Variants in PKHD1 observed in about 807,000 individuals in gnomAD.
PKHD1 encodes fibrocystin.
A neutral mutation model predicts 412.0 loss-of-function variants in PKHD1; 291 were observed. The observed-to-expected ratio is 0.71, with a 90% confidence interval of 0.64 to 0.78. The LOEUF is 0.78. Among genes scored for constraint, PKHD1 ranks in the 30% least tolerant of loss-of-function variants. The pLI is 0.00. For synonymous variants in PKHD1, 1,777 were observed against 1,821.5 expected (o/e 0.98, Z 0.62); for missense variants, 4,825 against 4,950.7 (o/e 0.97, Z 0.76).
At chr6:51,636,063 T>C (rs1752868284) in intron 64 of PKHD1, among the ~76,000 whole-genome samples, 1 of 152,082 alleles carries the variant, frequency 6.6e-6, no homozygotes, top group South Asian at 2.1e-4. Flanking sequence ...GAAACCCTTA[T>C]CTCTTGACAG....
At chr6:51,830,365 T>C (rs1768034138) in intron 52 of PKHD1, among the ~76,000 whole-genome samples, 2 of 152,168 alleles carry the variant, frequency 1.3e-5, no homozygotes, top group Admixed American at 6.5e-5. Context: ...GATGAATAGA[T>C]ACATAGATAG....
chr6:51,774,767 A>G (rs576675631), intron 54 of PKHD1, among the ~76,000 whole-genome samples: 1 of 151,966 alleles, frequency 6.6e-6, no homozygotes, highest in Non-Finnish European at 1.5e-5. Context: ...AGTGTTCAGA[A>G]ACCTCAGAAA....
chr6:51,747,091 AG>A (rs1160145662), intron 58 of PKHD1, among the ~76,000 whole-genome samples: 1 of 152,196 alleles, frequency 6.6e-6, no homozygotes, highest in Non-Finnish European at 1.5e-5. Context: ...GCAACAGAGA[AG>A]AGTATTTCAA....
chr6:51,830,405 C>T (rs1168253087), intron 52 of PKHD1, among the ~76,000 whole-genome samples: 2 of 152,100 alleles, frequency 1.3e-5, no homozygotes, highest in Non-Finnish European at 2.9e-5. Flanking sequence ...ACCTACTTCT[C>T]GGCAATTTTC....
chr6:51,651,503 C>T (rs1053598857), intron 61 of PKHD1, among the ~76,000 whole-genome samples: 2 of 152,026 alleles, frequency 1.3e-5, no homozygotes, highest in African/African-American at 2.4e-5. Context: ...CAACTTGACA[C>T]GCAATAGGGA....
intron 59 of PKHD1, among the ~76,000 whole-genome samples, chr6:51,745,842 G>A (rs73426014): frequency 0.041 from 6,256 of 152,172 alleles, 376 homozygotes; most frequent in African/African-American, 0.13. Context: ...AAGGAAAATT[G>A]GATAGTAAAT....
intron 50 of PKHD1, among the ~76,000 whole-genome samples, chr6:51,844,249 T>C (rs1289518174): frequency 6.6e-6 from 1 of 152,208 alleles, no homozygotes; most frequent in African/African-American, 2.4e-5. Context: ...GGAGCAATTA[T>C]AATGCAATGC....
At chr6:52,051,208 C>T (rs954364666) in intron 21 of PKHD1, among the ~76,000 whole-genome samples, 1 of 152,190 alleles carries the variant, frequency 6.6e-6, no homozygotes, top group African/African-American at 2.4e-5. Context: ...AAATACTCCA[C>T]TCCTTTTAGC....
At chr6:51,761,581 G>A (rs1158492460) in intron 55 of PKHD1, among the ~76,000 whole-genome samples, 5 of 151,956 alleles carry the variant, frequency 3.3e-5, no homozygotes, top group African/African-American at 1.2e-4. Context: ...GCTGAGTGTG[G>A]ATGTGAAGTA....
At chr6:52,023,231 T>C (rs1801665902) in intron 32 of PKHD1, among the ~76,000 whole-genome samples, 2 of 152,184 alleles carry the variant, frequency 1.3e-5, no homozygotes, top group South Asian at 4.1e-4. Flanking sequence ...TTAAACTTTT[T>C]ATTCAAAGAG....
Position 51,964,772 on chromosome 6 carries a change from C to T in PKHD1, c.5752-4746G>A, listed in dbSNP as rs140652411. On this transcript the variant is annotated intron_variant, in intron 35 of 66. Transcript: ENST00000371117. Reference sequence around the variant, plus strand: ...TTACATTGAAATGTTTTAATTTTTACGAAACCAACTTTATTTACCTTTTTT... The same window carrying T: ...TTACATTGAAATGTTTTAATTTTTATGAAACCAACTTTATTTACCTTTTTT... Among the ~76,000 whole-genome samples, 65 of 152,074 alleles carry T rather than the reference C, an allele frequency of 4.3e-4. 1 individual carries two copies. In the East Asian group the frequency reaches 6.6e-3, roughly 15 times the overall value.
intron 53 of PKHD1, among the ~76,000 whole-genome samples, chr6:51,786,434 C>T (rs988459988): frequency 1.2e-4 from 19 of 152,146 alleles, no homozygotes; most frequent in Non-Finnish European, 2.4e-4. Flanking sequence ...ACTAATTTTT[C>T]TAAGAATAAA....
chr6:51,761,808 C>A (rs897153723), intron 55 of PKHD1, among the ~76,000 whole-genome samples: 2 of 150,966 alleles, frequency 1.3e-5, no homozygotes, highest in Admixed American at 1.3e-4. Context: ...TATATATTTT[C>A]TTGAAAATTC....
At chr6:51,824,665 TC>T (rs35366781) in intron 52 of PKHD1, among the ~76,000 whole-genome samples, 64,344 of 152,008 alleles carry the variant, frequency 0.42, 14,401 homozygotes, top group Middle Eastern at 0.61. Context: ...CCATTCACTT[TC>T]TAAAGAAGGT....
chr6:51,859,426 T>C (rs1773831498), intron 48 of PKHD1, among the ~76,000 whole-genome samples: 2 of 147,480 alleles, frequency 1.4e-5, no homozygotes, highest in African/African-American at 5.0e-5. Context: ...CTCGGGAGGC[T>C]GAGGCAGGAG....
chr6:51,744,615 C>T, intron 59 of PKHD1, 73 bp from the exon 60 acceptor site: 1 of 1,116,310 alleles, frequency 9.0e-7, no homozygotes. Context: ...ATTGGTAGTG[C>T]TAATGTTGTT....
chr6:51,747,418 G>A (rs1219401921), intron 58 of PKHD1, among the ~76,000 whole-genome samples: 1 of 151,956 alleles, frequency 6.6e-6, no homozygotes, highest in African/African-American at 2.4e-5. Flanking sequence ...AATAATTGCT[G>A]TGTTAGCCGG....
intron 60 of PKHD1, among the ~76,000 whole-genome samples, chr6:51,713,718 T>C (rs1780914753): frequency 6.6e-6 from 1 of 152,174 alleles, no homozygotes; most frequent in Non-Finnish European, 1.5e-5. Context: ...CTTCTGGCTA[T>C]TTAAGATTTC....
At chr6:51,722,187 C>G (rs1227368173) in intron 60 of PKHD1, among the ~76,000 whole-genome samples, 1 of 152,144 alleles carries the variant, frequency 6.6e-6, no homozygotes, top group African/African-American at 2.4e-5. Flanking sequence ...TGTGGAGGGT[C>G]CTTTTCTCCT....
Sources: allele counts gnomAD v4.1 joint callset (sites outside exome capture counted in the v4.1 genomes callset), GRCh38; gene constraint gnomAD v4.1.1; transcripts MANE v1.5; gene names NCBI Gene and HGNC (gene_info 2026-07-23, HGNC 2026-07-21).